OR5B2: variants seen among roughly 807,000 people sequenced by gnomAD.
OR5B2 encodes olfactory receptor family 5 subfamily B member 2, also known as olfactory receptor 5B2.
For missense variants in OR5B2, 411 were observed against 367.0 expected, an observed-to-expected ratio of 1.12 and a Z score of -0.98; for synonymous variants, 163 against 140.8, an observed-to-expected ratio of 1.16 and a Z score of -1.11.
At chr11:58,425,714 ATCAC>A (rs1460711485) in intron 2 of OR5B2, among the ~76,000 whole-genome samples, 2 of 152,158 alleles carry the variant, frequency 1.3e-5, no homozygotes, top group African/African-American at 2.4e-5. Context: ...TAACACATAA[ATCAC>A]TCACTATGTG....
intron 1 of OR5B2, among the ~76,000 whole-genome samples, chr11:58,427,295 G>T (rs748233379): frequency 6.6e-4 from 100 of 152,198 alleles, no homozygotes; most frequent in Admixed American, 1.3e-3. Context: ...TTTACTCAGG[G>T]TTATTTCTTC....
In OR5B2 at chr11:58,422,399, T is replaced by C; in HGVS notation, c.863A>G (p.Tyr288Cys). The change falls in exon 3 of 3, where the codon TAC (tyrosine) becomes TGC (cysteine). Residue 288 changes from tyrosine (Y) to cysteine (C), a missense_variant. Tyr to Cys is a radical substitution (Grantham distance 194). Transcript: ENST00000641342. ...CTGGACTTCTCTGTTCCTCAGGCTG[T>C]AGACCACAGGGTTCAGCATGGGGAT... ...MIIPMLNPVV[Y>C]SLRNREVQNA... 6.2e-7 allele frequency: 1 copy of C among 1,613,608 alleles called. No individual in the cohort carries two copies. Among genetic ancestry groups the C allele is most frequent in the East Asian group, 2.2e-5 (1 of 44,844 alleles).
rs1855271759 is a variant in OR5B2, at chr11:58,421,531, G to A, written c.*801C>T. The A allele has an allele frequency of 6.6e-6, 1 of 152,102 alleles. No homozygotes were observed. The highest frequency in any genetic ancestry group is 1.5e-5 in the Non-Finnish European group (1 of 68,004). 9.4% of individuals were successfully genotyped at this position (152,102 alleles called of 1,614,324 possible). A position where few individuals can be genotyped will look rare whatever the true frequency, so the allele number is the denominator to read the frequency against. On this transcript the variant is annotated 3_prime_UTR_variant, in exon 3 of 3. Transcript: ENST00000641342. ...GTAGTTGTCAGGGGTTAGGGAAGAA[G>A]GAAGAATGAGTAAGTAGAGCATAGA...
In OR5B2 at chr11:58,422,164, T is replaced by A. The variant is rs1170693895; in HGVS notation, c.*168A>T. ...GCCTTCCTCATTCAGGTATTACATTTCTGATAATATTTTATTTTTATTAAA... is the reference window on the plus strand; with the variant it reads ...GCCTTCCTCATTCAGGTATTACATTACTGATAATATTTTATTTTTATTAAA... On this transcript the variant is annotated 3_prime_UTR_variant, in exon 3 of 3. Transcript: ENST00000641342. 4.0e-6 allele frequency: 2 copies of A among 498,026 alleles called. No homozygotes were observed. The highest frequency in any genetic ancestry group is 6.9e-5 in the Admixed American group (2 of 28,892). The allele number at this position is 498,026 out of a possible 1,614,324, so 30.9% of individuals were successfully genotyped here. A position where few individuals can be genotyped will look rare whatever the true frequency, so the allele number is the denominator to read the frequency against.
In OR5B2 at chr11:58,422,294, A is replaced by G. The variant is rs1319256276; in HGVS notation, c.*38T>C. On this transcript the variant is annotated 3_prime_UTR_variant, in exon 3 of 3. Transcript: ENST00000641342. The stretch of plus-strand genomic sequence containing the variant: ...GAGGAAAGTCTGAGATGAGGGAAAC[A>G]ACATTTTTGTGTATACAACAATGTT... 1 of 1,343,956 alleles carries G rather than the reference A, an allele frequency of 7.4e-7. No individual in the cohort carries two copies. Among genetic ancestry groups the G allele is most frequent in the Non-Finnish European group, 1.1e-6 (1 of 952,232 alleles). The allele number at this position is 1,343,956 out of a possible 1,614,324, so 83.3% of individuals were successfully genotyped here.
rs1855296756 is a variant in OR5B2, at chr11:58,422,969, T to C, written c.293A>G (p.Gln98Arg). The change falls in exon 3 of 3, where the codon CAG (glutamine) becomes CGG (arginine). Residue 98 changes from glutamine (Q) to arginine (R), a missense_variant. Transcript: ENST00000641342. ...GGCCAAGGCTACAAAGAAGAACATC[T>C]GAACAGCACATGCATTGTAGGAGAT... ...KVISYNACAV[Q>R]MFFFVALATV... 6.2e-7 allele frequency: 1 copy of C among 1,613,720 alleles called. No individual in the cohort carries two copies. The highest frequency in any genetic ancestry group is 8.5e-7 in the Non-Finnish European group (1 of 1,179,858).
At chr11:58,427,688 A>G (rs1855353730) in intron 1 of OR5B2, among the ~76,000 whole-genome samples, 1 of 152,182 alleles carries the variant, frequency 6.6e-6, no homozygotes, top group Non-Finnish European at 1.5e-5. Context: ...CAAGACAGAC[A>G]GCAGCCCAAA....
rs1855314197 is a variant in OR5B2, at chr11:58,424,248, A to G, written c.-28-959T>C. On this transcript the variant is annotated intron_variant, in intron 2 of 2. Coordinates refer to ENST00000641342, the MANE Select transcript of OR5B2 (RefSeq NM_001005566.3). Reference sequence around the variant, plus strand: ...TCTGATGAGAGCTAGCTATAATATTATCGTTAGAATGGAATGATGATCTGT... The same window carrying G: ...TCTGATGAGAGCTAGCTATAATATTGTCGTTAGAATGGAATGATGATCTGT... Among the ~76,000 whole-genome samples, 2 of 152,218 alleles carry G rather than the reference A, an allele frequency of 1.3e-5. 1 individual carries two copies. The highest frequency in any genetic ancestry group is 4.1e-4 in the South Asian group (2 of 4,834).
chr11:58,422,285 G>A lies in OR5B2; in HGVS notation c.*47C>T, dbSNP rs1460719643. The A allele has an allele frequency of 8.2e-7, 1 of 1,221,350 alleles. No homozygotes were observed. Among genetic ancestry groups the A allele is most frequent in the Non-Finnish European group, 1.2e-6 (1 of 844,848 alleles). The allele number at this position is 1,221,350 out of a possible 1,614,324, so 75.7% of individuals were successfully genotyped here. On this transcript the variant is annotated 3_prime_UTR_variant, in exon 3 of 3. Transcript: ENST00000641342. ...TCATTGCATGAGGAAAGTCTGAGAT[G>A]AGGGAAACAACATTTTTGTGTATAC...
At chr11:58,425,867 G>T (rs1855330813) in intron 2 of OR5B2, among the ~76,000 whole-genome samples, 1 of 152,100 alleles carries the variant, frequency 6.6e-6, no homozygotes, top group African/African-American at 2.4e-5. Flanking sequence ...GTGTACACAT[G>T]CATGCAGTCA....
At chr11:58,424,300 C>T (rs1855314895) in intron 2 of OR5B2, among the ~76,000 whole-genome samples, 1 of 152,076 alleles carries the variant, frequency 6.6e-6, no homozygotes, top group Non-Finnish European at 1.5e-5. Flanking sequence ...GATGGCAGGG[C>T]TTTGTGTGTT....
rs762686526 is a variant in OR5B2 at position 58,423,093 on chromosome 11, TG to T, written c.168del (p.Met57CysfsTer47). The T allele has an allele frequency of 6.8e-6, 11 of 1,613,440 alleles. No homozygotes were observed. The highest frequency in any genetic ancestry group is 1.6e-4 in the Middle Eastern group (1 of 6,080). On this transcript the variant is annotated frameshift_variant, in exon 3 of 3. Coordinates refer to ENST00000641342, the MANE Select transcript of OR5B2 (RefSeq NM_001005566.3). LOFTEE classifies it low-confidence loss of function (END_TRUNC). The stretch of plus-strand genomic sequence containing the variant: ...GACAGGTTACTGAGGAAAAAGTACA[TG>T]GGGGTGTGGAGACAAGAGTCCATCA... ...LILMDSCLHTPMYFFLSNLSL... is the reference protein window; with the variant it reads ...LILMDSCLHTXMYFFLSNLSL...
At chr11:58,426,053 T>C (rs1855333039) in intron 2 of OR5B2, among the ~76,000 whole-genome samples, 1 of 152,258 alleles carries the variant, frequency 6.6e-6, no homozygotes, top group African/African-American at 2.4e-5. Context: ...TATTTATTTA[T>C]TCATTTATTC....
At position 58,422,600 on chromosome 11, in the gene OR5B2, A is replaced by C. The variant is rs777537613; in HGVS notation, c.662T>G (p.Ile221Ser). 2.5e-6 allele frequency: 4 copies of C among 1,613,682 alleles called. No homozygotes were observed. The highest frequency in any genetic ancestry group is 3.4e-6 in the Non-Finnish European group (4 of 1,179,776). ...VIFISYLFIFITILKMHSAKG... is the reference protein window; with the variant it reads ...VIFISYLFIFSTILKMHSAKG... The stretch of plus-strand genomic sequence containing the variant: ...AGCTGAATGCATCTTCAAGATGGTG[A>C]TGAATATGAACAAGTAGGAGATAAA... The change falls in exon 3 of 3, where the codon ATC becomes AGC. Residue 221 changes from isoleucine (I) to serine (S), a missense_variant. Ile to Ser is a moderately radical substitution (Grantham distance 142, BLOSUM62 -2). Coordinates refer to ENST00000641342, the MANE Select transcript of OR5B2 (RefSeq NM_001005566.3).
rs953303609 is a variant in OR5B2 at position 58,422,290 on chromosome 11, A to C, written c.*42T>G. ...GCATGAGGAAAGTCTGAGATGAGGG[A>C]AACAACATTTTTGTGTATACAACAA... On this transcript the variant is annotated 3_prime_UTR_variant, in exon 3 of 3. Transcript: ENST00000641342. 1 of 1,290,866 alleles carries C rather than the reference A, an allele frequency of 7.7e-7. No homozygotes were observed. The highest frequency in any genetic ancestry group is 1.9e-5 in the Admixed American group (1 of 53,554). The allele number at this position is 1,290,866 out of a possible 1,614,324, so 80.0% of individuals were successfully genotyped here. A position where few individuals can be genotyped will look rare whatever the true frequency, so the allele number is the denominator to read the frequency against.
intron 2 of OR5B2, 23 bp from the exon 3 acceptor site, chr11:58,423,312 A>G: frequency 8.9e-7 from 1 of 1,128,494 alleles, no homozygotes. Context: ...GAAATAAAGC[A>G]ATAGAGTGAT....
intron 2 of OR5B2, among the ~76,000 whole-genome samples, chr11:58,426,301 T>C (rs1015655032): frequency 1.3e-5 from 2 of 151,942 alleles, no homozygotes; most frequent in Admixed American, 6.6e-5. Context: ...CCATTAGTTA[T>C]TTTTTTTCTG....
intron 1 of OR5B2, among the ~76,000 whole-genome samples, chr11:58,427,579 G>A (rs996819937): frequency 5.3e-5 from 8 of 152,118 alleles, no homozygotes; most frequent in Non-Finnish European, 1.2e-4. Context: ...CTTGGAAATA[G>A]CAAGTGGTGT....
chr11:58,422,912 G>A lies in OR5B2; in HGVS notation c.350C>T (p.Ala117Val). 2 of 1,613,832 alleles carry A rather than the reference G, an allele frequency of 1.2e-6. No homozygotes were observed. The highest frequency in any genetic ancestry group is 1.7e-6 in the Non-Finnish European group (2 of 1,179,858). Reference protein sequence around the residue: ...TVENYLLASMAYDRYAAVCKP... With the variant: ...TVENYLLASMVYDRYAAVCKP... ...GCACACTGCTGCATAGCGGTCATAG[G>A]CCATTGAGGCCAACAAGTAATTTTC... The change falls in exon 3 of 3, where the codon GCC becomes GTC. Residue 117 changes from alanine to valine, a missense_variant. Transcript: ENST00000641342.
Sources: allele counts gnomAD v4.1 joint callset (sites outside exome capture counted in the v4.1 genomes callset), GRCh38; gene constraint gnomAD v4.1.1; transcripts MANE v1.5; gene names NCBI Gene and HGNC (gene_info 2026-07-23, HGNC 2026-07-21).